MYO1D: variants seen among roughly 807,000 people sequenced by gnomAD.
MYO1D encodes the protein unconventional myosin-Id.
Under a neutral mutation model 122.0 loss-of-function variants are expected in MYO1D, and 83 were observed. The ratio of observed to expected loss-of-function variants is 0.68; its 90% confidence interval spans 0.57 to 0.82. The LOEUF is 0.82. Ranked by LOEUF, MYO1D falls within the 40% of genes least tolerant of loss-of-function variation. The pLI is 0.00. For synonymous variants in MYO1D, 464 were observed against 446.9 expected (o/e 1.04, Z -0.48); for missense variants, 1,157 against 1,269.5 (o/e 0.91, Z 1.35).
At chr17:32,701,697 G>T (rs891618337) in intron 16 of MYO1D, among the ~76,000 whole-genome samples, 2 of 151,996 alleles carry the variant, frequency 1.3e-5, no homozygotes, top group South Asian at 4.2e-4. Flanking sequence ...TGAGTAGCTG[G>T]GACTACAGGT....
chr17:32,843,799 G>C (rs2090907938), intron 1 of MYO1D, among the ~76,000 whole-genome samples: 1 of 152,116 alleles, frequency 6.6e-6, no homozygotes, highest in Admixed American at 6.5e-5. Flanking sequence ...CAATGGTAAA[G>C]CTTTTTTCCT....
chr17:32,497,456 CTAAA>C (rs761758747), intron 21 of MYO1D, among the ~76,000 whole-genome samples: 2 of 152,060 alleles, frequency 1.3e-5, no homozygotes, highest in African/African-American at 4.8e-5. Flanking sequence ...GACCTTGTCT[CTAAA>C]TAAATAAATA....
intron 21 of MYO1D, among the ~76,000 whole-genome samples, chr17:32,592,698 C>G (rs972842741): frequency 9.2e-5 from 11 of 119,192 alleles, no homozygotes; most frequent in Non-Finnish European, 1.8e-4. Flanking sequence ...TGTGAGAAAA[C>G]AATCTAGCTG....
At chr17:32,614,761 C>T (rs988597631) in intron 20 of MYO1D, among the ~76,000 whole-genome samples, 4 of 152,214 alleles carry the variant, frequency 2.6e-5, no homozygotes, top group Non-Finnish European at 4.4e-5. Flanking sequence ...CTCTTGAAAG[C>T]AACAACTTGC....
chr17:32,559,370 T>A (rs72813085), intron 21 of MYO1D, among the ~76,000 whole-genome samples: 24 of 152,356 alleles, frequency 1.6e-4, no homozygotes, highest in African/African-American at 5.8e-4. Context: ...GTAACCTAAC[T>A]GGATGTGTGA....
chr17:32,639,016 A>T (rs1035054228), intron 19 of MYO1D, among the ~76,000 whole-genome samples, 181 bp from the exon 20 acceptor site: 26 of 152,230 alleles, frequency 1.7e-4, no homozygotes, highest in South Asian at 4.1e-4. Flanking sequence ...GAAATTTTAC[A>T]ATTGAACATG....
chr17:32,500,670 C>A (rs4287613), intron 21 of MYO1D, among the ~76,000 whole-genome samples: 2 of 151,830 alleles, frequency 1.3e-5, no homozygotes, highest in East Asian at 3.9e-4. Context: ...GCCCAGCTGA[C>A]GCCATCTACA....
intron 15 of MYO1D, among the ~76,000 whole-genome samples, chr17:32,719,649 CA>C: frequency 6.6e-6 from 1 of 152,138 alleles, no homozygotes; most frequent in African/African-American, 2.4e-5. Flanking sequence ...TGCGCCTGGC[CA>C]ACATCTCCTT....
At chr17:32,670,409 A>G (rs2088698940) in intron 16 of MYO1D, among the ~76,000 whole-genome samples, 1 of 152,204 alleles carries the variant, frequency 6.6e-6, no homozygotes, top group Admixed American at 6.5e-5. Flanking sequence ...AAATAGATCT[A>G]TATACACAGA....
intron 16 of MYO1D, among the ~76,000 whole-genome samples, chr17:32,705,838 T>G (rs2089300707): frequency 6.6e-6 from 1 of 152,160 alleles, no homozygotes; most frequent in South Asian, 2.1e-4. Context: ...ACTGTTCTCA[T>G]GGTAGTGAAT....
At chr17:32,622,613 A>C (rs758991907) in intron 20 of MYO1D, among the ~76,000 whole-genome samples, 4 of 152,202 alleles carry the variant, frequency 2.6e-5, no homozygotes, top group Non-Finnish European at 5.9e-5. Flanking sequence ...TGAAGTAAGG[A>C]AGCCATTCAG....
intron 1 of MYO1D, among the ~76,000 whole-genome samples, chr17:32,817,914 CAGG>C (rs2090625815): frequency 2.0e-5 from 3 of 151,364 alleles, no homozygotes; most frequent in Admixed American, 2.0e-4. Flanking sequence ...ATCACGAGGT[CAGG>C]AGATCGAGAC....
chr17:32,808,826 TC>T (rs2090543911), intron 1 of MYO1D, among the ~76,000 whole-genome samples: 1 of 152,188 alleles, frequency 6.6e-6, no homozygotes, highest in Non-Finnish European at 1.5e-5. Context: ...ATATTGGACT[TC>T]CTGGCCTCCA....
intron 15 of MYO1D, among the ~76,000 whole-genome samples, chr17:32,715,257 T>C (rs1043828712): frequency 2.6e-5 from 4 of 152,192 alleles, no homozygotes; most frequent in Admixed American, 1.3e-4. Context: ...AGTGTGGTGA[T>C]TCCTCAAAGA....
chr17:32,772,880 G>A, intron 4 of MYO1D, 38 bp from the exon 5 acceptor site: 2 of 1,572,830 alleles, frequency 1.3e-6, no homozygotes, highest in Non-Finnish European at 8.7e-7. Flanking sequence ...ACCCGAAAAT[G>A]TGCCCCTAAA....
At chr17:32,569,685 T>G (rs909447703) in intron 21 of MYO1D, among the ~76,000 whole-genome samples, 8 of 152,196 alleles carry the variant, frequency 5.3e-5, no homozygotes. Flanking sequence ...TTGGTAACTC[T>G]CCTCTCTAGT....
At chr17:32,633,034 G>A (rs1462743164) in intron 20 of MYO1D, among the ~76,000 whole-genome samples, 1 of 139,484 alleles carries the variant, frequency 7.2e-6, no homozygotes, top group Non-Finnish European at 1.5e-5. Flanking sequence ...ACTACTCATG[G>A]CTTAAAGAGG....
intron 19 of MYO1D, among the ~76,000 whole-genome samples, chr17:32,650,886 A>G (rs1209766454): frequency 6.6e-6 from 1 of 152,140 alleles, no homozygotes; most frequent in Non-Finnish European, 1.5e-5. Context: ...GTCAGTTTGA[A>G]TGATTAATTT....
intron 8 of MYO1D, among the ~76,000 whole-genome samples, chr17:32,762,601 C>T (rs527322765): frequency 1.6e-3 from 237 of 152,230 alleles, no homozygotes; most frequent in Non-Finnish European, 2.9e-3. Context: ...TTGCCAGGTG[C>T]AGTGGCTCAT....
Sources: allele counts gnomAD v4.1 joint callset (sites outside exome capture counted in the v4.1 genomes callset), GRCh38; gene constraint gnomAD v4.1.1; transcripts MANE v1.5; gene names NCBI Gene and HGNC (gene_info 2026-07-23, HGNC 2026-07-21).